Variants in BSN observed in about 807,000 individuals in gnomAD.
The protein encoded by BSN is bassoon presynaptic cytomatrix protein.
Under a neutral mutation model 264.8 loss-of-function variants are expected in BSN, and 57 were observed. That is an observed-to-expected ratio of 0.22 (90% CI 0.17 to 0.27). The LOEUF (loss-of-function observed/expected upper bound fraction) is 0.27, where lower values mean the gene tolerates loss of function less well. Ranked by LOEUF, BSN falls within the 10% of genes least tolerant of loss-of-function variation. The pLI, the probability that BSN is intolerant of heterozygous loss-of-function variation, is 1.00. For synonymous variants in BSN, 2,059 were observed against 2,137.3 expected, an observed-to-expected ratio of 0.96 and a Z score of 1.01; for missense variants, 4,615 against 5,232.5, an observed-to-expected ratio of 0.88 and a Z score of 3.64.
chr3:49,657,965 T>G lies in BSN; in HGVS notation c.8409T>G (p.Pro2803=). The change falls in exon 5 of 12, where the codon CCT becomes CCG. Residue 2803 remains proline (P), a synonymous_variant. Transcript: ENST00000296452. ...VLYSPVSPLS[P]HRLLDTSFAS... The stretch of plus-strand genomic sequence containing the variant: ...ACTCACCAGTCTCACCCCTGTCCCC[T>G]CACCGGCTCCTGGACACCTCCTTTG... 1.2e-6 allele frequency: 2 copies of G among 1,611,656 alleles called. No individual in the cohort carries two copies. Among genetic ancestry groups the G allele is most frequent in the Non-Finnish European group, 1.7e-6 (2 of 1,178,334 alleles).
At position 49,625,197 on chromosome 3, in the gene BSN, C is replaced by A; in HGVS notation, c.447C>A (p.Gly149=). ...GRSPSVSPDR[G]STPTSPYSVP... is the part of the protein sequence containing the mutation. ...CCCCCTCAGTGTCACCGGACAGAGGCAGCACCCCCACATCACCCTACTCCG... is the reference window on the plus strand; with the variant it reads ...CCCCCTCAGTGTCACCGGACAGAGGAAGCACCCCCACATCACCCTACTCCG... The change falls in exon 2 of 12, where the codon GGC becomes GGA. Residue 149 remains glycine (G), a synonymous_variant. Coordinates refer to ENST00000296452, the MANE Select transcript of BSN (RefSeq NM_003458.4). This position sits in a 1 kb window ranked among gnomAD's most constrained non-coding sequence, Gnocchi z 4.4. 1 of 1,558,222 alleles carries A rather than the reference C, an allele frequency of 6.4e-7. No homozygotes were observed. Among genetic ancestry groups the A allele is most frequent in the Non-Finnish European group, 8.7e-7 (1 of 1,150,696 alleles).
In BSN at chr3:49,670,780, A is replaced by T. The variant is rs2052748756; in HGVS notation, c.*3295A>T. On this transcript the variant is annotated 3_prime_UTR_variant, in exon 12 of 12. Transcript: ENST00000296452. ...CACTTCACAGTGACAGCCCTCCCCT[A>T]CAATCCTTGGGCAGAGCATGTGGTC... 1 of 152,222 alleles carries T rather than the reference A, an allele frequency of 6.6e-6. No individual in the cohort carries two copies. The highest frequency in any genetic ancestry group is 1.5e-5 in the Non-Finnish European group (1 of 68,040). 9.4% of individuals were successfully genotyped at this position (152,222 alleles called of 1,614,324 possible).
rs979445196 is a variant in BSN, at chr3:49,585,499, A to G, written c.224+30673A>G. On this transcript the variant is annotated intron_variant, in intron 1 of 11. Transcript: ENST00000296452. The surrounding 1 kb of genome is among the most constrained non-coding windows in gnomAD (Gnocchi z 4.7). ...ACCAGGCAGGCTCTTGCGGCTCCCA[A>G]CTAGGCGGCCTTGCACTCCGTGTGC... Among the ~76,000 whole-genome samples, 1 of 152,128 alleles carries G rather than the reference A, an allele frequency of 6.6e-6. No homozygotes were observed. Among genetic ancestry groups the G allele is most frequent in the Non-Finnish European group, 1.5e-5 (1 of 68,022 alleles).
chr3:49,607,229 G>A (rs946874281), intron 1 of BSN, among the ~76,000 whole-genome samples: 1 of 152,098 alleles, frequency 6.6e-6, no homozygotes, highest in Non-Finnish European at 1.5e-5. Flanking sequence ...CAGGCTTCCT[G>A]CCCACTCCAC....
chr3:49,606,646 T>C (rs1358606499), intron 1 of BSN, among the ~76,000 whole-genome samples: 1 of 151,944 alleles, frequency 6.6e-6, no homozygotes, highest in African/African-American at 2.4e-5. Context: ...CTTGTGGTGC[T>C]CTGGCCACCA....
intron 5 of BSN, among the ~76,000 whole-genome samples, chr3:49,658,977 C>G (rs2052632743): frequency 6.6e-6 from 1 of 152,096 alleles, no homozygotes; most frequent in South Asian, 2.1e-4. Flanking sequence ...ACCCTGGAAG[C>G]CTCTGGAGGT....
intron 1 of BSN, among the ~76,000 whole-genome samples, chr3:49,615,085 G>A (rs2052249313): frequency 6.6e-6 from 1 of 152,170 alleles, no homozygotes; most frequent in South Asian, 2.1e-4. Flanking sequence ...GTCTCATGCT[G>A]GACTCTTTCT....
chr3:49,567,909 T>A (rs1473292198), intron 1 of BSN, among the ~76,000 whole-genome samples: 1 of 152,202 alleles, frequency 6.6e-6, no homozygotes, highest in Non-Finnish European at 1.5e-5. Context: ...GAGTCGATGC[T>A]GGCTGTTAGC....
Position 49,655,640 on chromosome 3 carries a change from G to C in BSN, c.6084G>C (p.Ala2028=), listed in dbSNP as rs764727145. 6.2e-7 allele frequency: 1 copy of C among 1,613,664 alleles called. No individual in the cohort carries two copies. Among genetic ancestry groups the C allele is most frequent in the Non-Finnish European group, 8.5e-7 (1 of 1,179,966 alleles). Reference sequence around the variant, plus strand: ...AGCACTCCTACAGCCTGGGCTTTGCGGATGGACGCTACCTAGGGCAGGGCT... The same window carrying C: ...AGCACTCCTACAGCCTGGGCTTTGCCGATGGACGCTACCTAGGGCAGGGCT... ...SLKHSYSLGF[A]DGRYLGQGLQ... is the part of the protein sequence containing the mutation. Residue 2028 remains alanine (A), a synonymous_variant, in exon 5 of 12, where the codon GCG becomes GCC. Coordinates refer to ENST00000296452, the MANE Select transcript of BSN (RefSeq NM_003458.4).
At position 49,585,048 on chromosome 3, in the gene BSN, C is replaced by T. The variant is rs1409402578; in HGVS notation, c.224+30222C>T. On this transcript the variant is annotated intron_variant, in intron 1 of 11. Transcript: ENST00000296452. The surrounding 1 kb of genome is among the most constrained non-coding windows in gnomAD (Gnocchi z 4.7). ...CTTTATCCATTCAGCTGTTGTTAGACACCTAGGTTGCTTCGAAATCTTAGC... is the reference window on the plus strand; with the variant it reads ...CTTTATCCATTCAGCTGTTGTTAGATACCTAGGTTGCTTCGAAATCTTAGC... 6.6e-6 allele frequency among the ~76,000 whole-genome samples: 1 copy of T among 152,136 alleles called. No homozygotes were observed. The highest frequency in any genetic ancestry group is 1.5e-5 in the Non-Finnish European group (1 of 68,036).
intron 1 of BSN, among the ~76,000 whole-genome samples, chr3:49,565,313 A>ATT (rs35209998): frequency 1.5e-4 from 8 of 55,022 alleles, no homozygotes; most frequent in Non-Finnish European, 1.9e-4. Context: ...CGCCCAGCTA[A>ATT]TTTTTTTTTT....
Position 49,656,647 on chromosome 3 carries a change from G to A in BSN, c.7091G>A (p.Arg2364Lys), listed in dbSNP as rs1183816663. The part of the protein sequence containing the change: ...FEKEEASQEE[R>K]QRKQQEQLLQ... ...AAAGAGGAAGCATCACAGGAGGAGAGGCAGCGGAAGCAACAGGAGCAGCTG... is the reference window on the plus strand; with the variant it reads ...AAAGAGGAAGCATCACAGGAGGAGAAGCAGCGGAAGCAACAGGAGCAGCTG... The change falls in exon 5 of 12, where the codon AGG (arginine) becomes AAG (lysine). Residue 2364 changes from arginine to lysine, a missense_variant. By Grantham distance (26) the Arg-to-Lys change is conservative. Transcript: ENST00000296452. 2 of 1,608,910 alleles carry A rather than the reference G, an allele frequency of 1.2e-6. No individual in the cohort carries two copies. Among genetic ancestry groups the A allele is most frequent in the Non-Finnish European group, 1.7e-6 (2 of 1,177,904 alleles).
chr3:49,666,854 A>G (rs2052717048), intron 11 of BSN, among the ~76,000 whole-genome samples: 1 of 152,254 alleles, frequency 6.6e-6, no homozygotes, highest in African/African-American at 2.4e-5. Flanking sequence ...TACAGTAGCC[A>G]TAGTGCAGCC....
intron 1 of BSN, among the ~76,000 whole-genome samples, chr3:49,568,151 G>A (rs2051768333): frequency 6.6e-6 from 1 of 152,304 alleles, no homozygotes; most frequent in South Asian, 2.1e-4. Flanking sequence ...AAAAGGAGGG[G>A]ACGTGGACTC....
chr3:49,579,452 GAGTGCAGTGGC>G (rs1332270758), intron 1 of BSN, among the ~76,000 whole-genome samples: 2 of 151,608 alleles, frequency 1.3e-5, no homozygotes, highest in African/African-American at 4.8e-5. Flanking sequence ...GCCCAGGCTG[GAGTGCAGTGGC>G]AGGATCTCTG....
chr3:49,597,632 A>G (rs544356070), intron 1 of BSN, among the ~76,000 whole-genome samples: 1 of 151,944 alleles, frequency 6.6e-6, no homozygotes, highest in East Asian at 1.9e-4. Context: ...CACTTGGTTC[A>G]TTATTGTACT....
chr3:49,600,404 G>T (rs556575765), intron 1 of BSN, among the ~76,000 whole-genome samples: 1 of 152,310 alleles, frequency 6.6e-6, no homozygotes, highest in East Asian at 1.9e-4. Flanking sequence ...CGTACATGAG[G>T]TTGAGTAGGG....
At position 49,658,030 on chromosome 3, in the gene BSN, A is replaced by G; in HGVS notation, c.8474A>G (p.Gln2825Arg). Residue 2825 changes from glutamine to arginine, a missense_variant, in exon 5 of 12, where the codon CAG becomes CGG. Physicochemically the swap from Gln to Arg is conservative, Grantham distance 43 (BLOSUM62 1). This residue lies in a region of BSN where 3,415 missense variants were observed against 3,866.4 expected (regional missense o/e 0.88). Coordinates refer to ENST00000296452, the MANE Select transcript of BSN (RefSeq NM_003458.4). ...ERLNKAHVSP[Q>R]KHFTADSALR... The stretch of plus-strand genomic sequence containing the variant: ...CTGAACAAAGCTCACGTGAGTCCCC[A>G]GAAGCACTTCACGGCTGACAGCGCT... 1 of 1,613,638 alleles carries G rather than the reference A, an allele frequency of 6.2e-7. No individual in the cohort carries two copies. The highest frequency in any genetic ancestry group is 8.5e-7 in the Non-Finnish European group (1 of 1,179,964).
Position 49,662,061 on chromosome 3 carries a change from G to A in BSN, c.10216G>A (p.Asp3406Asn). The change falls in exon 6 of 12, where the codon GAT becomes AAT. Residue 3406 changes from aspartate to asparagine, a missense_variant. Physicochemically the swap from Asp to Asn is conservative, Grantham distance 23. This residue lies in a region of BSN where 3,415 missense variants were observed against 3,866.4 expected (regional missense o/e 0.88). Transcript: ENST00000296452. Reference protein sequence around the residue: ...SLVSRGRKFQDEITYGLKKNV... With the variant: ...SLVSRGRKFQNEITYGLKKNV... ...GGTCTCTCGGGGCAGGAAGTTCCAG[G>A]ATGAAATCACCTATGGGCTCAAGAA... The A allele has an allele frequency of 4.3e-6, 7 of 1,613,694 alleles. No homozygotes were observed. Among genetic ancestry groups the A allele is most frequent in the South Asian group, 1.1e-5 (1 of 91,092 alleles).
Sources: gnomAD v4.1 joint callset for allele counts (sites outside exome capture counted in the v4.1 genomes callset) on GRCh38, gnomAD v4.1.1 for gene constraint, gnomAD v4.1.1 regional missense constraint, Gnocchi (gnomAD v3.1) non-coding constraint, MANE v1.5 for transcripts, NCBI Gene and HGNC (gene_info 2026-07-23, HGNC 2026-07-21) for gene names.